Variants in SELENON observed in about 807,000 individuals in gnomAD.
SELENON encodes selenoprotein N.
In SELENON, 44 loss-of-function variants were observed where a neutral mutation model predicts 59.5. The ratio of observed to expected loss-of-function variants is 0.74; its 90% confidence interval spans 0.58 to 0.95. The LOEUF (loss-of-function observed/expected upper bound fraction) is 0.95. SELENON is among the 40% of genes least tolerant of loss of function. The pLI is 0.00. For missense variants in SELENON, 674 were observed against 721.4 expected, an observed-to-expected ratio of 0.93 and a Z score of 0.75; for synonymous variants, 320 against 305.6, an observed-to-expected ratio of 1.05 and a Z score of -0.49.
Position 25,817,900 on chromosome 1 carries a change from C to T in SELENON, c.*2182C>T, listed in dbSNP as rs938339363. 5 of 152,614 alleles carry T rather than the reference C, an allele frequency of 3.3e-5. No individual in the cohort carries two copies. The highest frequency in any genetic ancestry group is 3.3e-4 in the Admixed American group (5 of 15,306). The allele number at this position is 152,614 out of a possible 1,614,324, so 9.5% of individuals were successfully genotyped here. On this transcript the variant is annotated 3_prime_UTR_variant, in exon 13 of 13. Coordinates refer to ENST00000361547, the MANE Select transcript of SELENON (RefSeq NM_020451.3). The stretch of plus-strand genomic sequence containing the variant: ...CCTGGGAGGAAGTGTCCCCATCCCC[C>T]ATGCCCCTTATGGGGAGGGAGGGCG...
chr1:25,803,056 A>T (rs2047873584), intron 3 of SELENON, among the ~76,000 whole-genome samples: 1 of 152,156 alleles, frequency 6.6e-6, no homozygotes, highest in Non-Finnish European at 1.5e-5. Context: ...AAAAATGCTA[A>T]TGAGCTGGAG....
rs1364075867 is a variant in SELENON at position 25,809,071 on chromosome 1, G to A, written c.793G>A (p.Val265Met). The change falls in exon 6 of 13, where the codon GTG (valine) becomes ATG (methionine). Residue 265 changes from valine to methionine, a missense_variant. By Grantham distance (21) the Val-to-Met change is conservative (BLOSUM62 1). Coordinates refer to ENST00000361547, the MANE Select transcript of SELENON (RefSeq NM_020451.3). ...GAGCATGTTCCACCCTCGGCCCTTT[G>A]TGAAGACCCGCTTTGCCCCTCAGGG... 2 of 1,613,852 alleles carry A rather than the reference G, an allele frequency of 1.2e-6. No individual in the cohort carries two copies. The highest frequency in any genetic ancestry group is 3.3e-5 in the Admixed American group (2 of 60,030).
At chr1:25,812,539 A>G in intron 9 of SELENON, 148 bp from the exon 9 acceptor site, 2 of 660,378 alleles carry the variant, frequency 3.0e-6, no homozygotes, top group Non-Finnish European at 5.4e-6. Flanking sequence ...ACAGACATAC[A>G]CACAAATATA....
chr1:25,804,087 C>G (rs562633401), intron 3 of SELENON, among the ~76,000 whole-genome samples: 1 of 152,240 alleles, frequency 6.6e-6, no homozygotes, highest in Admixed American at 6.5e-5. Flanking sequence ...CTGTTGCTCC[C>G]TTCTTCTTGG....
Position 25,801,179 on chromosome 1 carries a change from G to T in SELENON, c.301+19G>T. ...CTAACAGGTACCAGGAGAGACTGGC[G>T]GCTGGGGAGGAGGGCGCCTTGGCCA... On this transcript the variant is annotated intron_variant, in intron 2 of 12. Transcript: ENST00000361547. 6.2e-7 allele frequency: 1 copy of T among 1,600,892 alleles called. No homozygotes were observed. The highest frequency in any genetic ancestry group is 8.6e-7 in the Non-Finnish European group (1 of 1,168,040).
rs1430575404 is a variant in SELENON, at chr1:25,801,069, A to G, written c.210A>G (p.Thr70=). 4.3e-6 allele frequency: 7 copies of G among 1,614,050 alleles called. No homozygotes were observed. Among genetic ancestry groups the G allele is most frequent in the Non-Finnish European group, 5.9e-6 (7 of 1,180,018 alleles). ...AACTGGCGCTGAAGACCCTGGGGAC[A>G]GATGGCCTTTTTCTCTTTTCCTCCT... The change falls in exon 2 of 13, where the codon ACA becomes ACG. Residue 70 remains threonine, a synonymous_variant. Transcript: ENST00000361547.
In SELENON at chr1:25,816,434, C is replaced by T. The variant is rs1471082446; in HGVS notation, c.*716C>T. 1 of 152,622 alleles carries T rather than the reference C, an allele frequency of 6.6e-6. No individual in the cohort carries two copies. Among genetic ancestry groups the T allele is most frequent in the East Asian group, 1.9e-4 (1 of 5,194 alleles). 9.5% of individuals were successfully genotyped at this position (152,622 alleles called of 1,614,324 possible). A position where few individuals can be genotyped will look rare whatever the true frequency, so the allele number is the denominator to read the frequency against. On this transcript the variant is annotated 3_prime_UTR_variant, in exon 13 of 13. Transcript: ENST00000361547. ...GGTTCACTAAGGGGGTTCCCGAGGCCCAGGGCCAAGGCACTCCCACCGCCT... is the reference window on the plus strand; with the variant it reads ...GGTTCACTAAGGGGGTTCCCGAGGCTCAGGGCCAAGGCACTCCCACCGCCT...
Position 25,805,153 on chromosome 1 carries a change from G to T in SELENON, c.415G>T (p.Ala139Ser), listed in dbSNP as rs201692549. The T allele has an allele frequency of 1.1e-5, 18 of 1,613,470 alleles. No homozygotes were observed. The South Asian group carries it at 1.4e-4, about 13-fold the overall frequency. ...TCTGTGTCTCATAGGGTCAACTCCC[G>T]CGGCCAGCTGCGAGGAGGAGGAGTT... The change falls in exon 4 of 13, where the codon GCG (alanine) becomes TCG (serine). Residue 139 changes from alanine to serine, a missense_variant. Coordinates refer to ENST00000361547, the MANE Select transcript of SELENON (RefSeq NM_020451.3).
intron 3 of SELENON, among the ~76,000 whole-genome samples, chr1:25,802,373 T>A (rs552790578): frequency 1.2e-3 from 178 of 152,240 alleles, no homozygotes; most frequent in African/African-American, 4.1e-3. Flanking sequence ...GTTGTTGTTG[T>A]TGAGATGGAG....
In SELENON at chr1:25,812,723, G is replaced by A. The variant is rs779899932; in HGVS notation, c.1318G>A (p.Ala440Thr). Residue 440 changes from alanine (A) to threonine (T), a missense_variant, in exon 10 of 13, where the codon GCC (alanine) becomes ACC (threonine). Coordinates refer to ENST00000361547, the MANE Select transcript of SELENON (RefSeq NM_020451.3). Reference sequence around the variant, plus strand: ...GCCGTTCACTGAGGCCTTCGACCGAGCCAAGGCTGAGAACAAGCTGGTGCA... The same window carrying A: ...GCCGTTCACTGAGGCCTTCGACCGAACCAAGGCTGAGAACAAGCTGGTGCA... 5.0e-6 allele frequency: 8 copies of A among 1,613,060 alleles called. No individual in the cohort carries two copies. The highest frequency in any genetic ancestry group is 6.8e-6 in the Non-Finnish European group (8 of 1,179,876).
chr1:25,810,386 C>A (rs567930290), intron 7 of SELENON, among the ~76,000 whole-genome samples: 46 of 152,346 alleles, frequency 3.0e-4, no homozygotes, highest in African/African-American at 1.1e-3. Context: ...GGCTGGCCAC[C>A]TGTCAGCAGA....
At chr1:25,812,558 C>CAA (rs1462559980) in intron 9 of SELENON, 129 bp from the exon 9 acceptor site, 6 of 589,630 alleles carry the variant, frequency 1.0e-5, no homozygotes, top group Non-Finnish European at 1.7e-5. Context: ...TATATGCCTA[C>CAA]ACACAAACAC....
chr1:25,805,618 GCCGCCCCACATACTATGATGATTATTTC>G (rs2047899964), intron 4 of SELENON, among the ~76,000 whole-genome samples: 1 of 151,762 alleles, frequency 6.6e-6, no homozygotes, highest in African/African-American at 2.4e-5. Context: ...TGTTAGTGCA[GCCGCCCCACATACTATGATGATTATTTC>G]CCACACACTA....
In SELENON at chr1:25,807,888, G is replaced by A. The variant is rs115562422; in HGVS notation, c.538-692G>A. Among the ~76,000 whole-genome samples the A allele has an allele frequency of 9.5e-3, 1,448 of 152,330 alleles. 29 individuals are homozygous for A. The highest frequency in any genetic ancestry group is 0.034 in the African/African-American group (1,395 of 41,566). On this transcript the variant is annotated intron_variant, in intron 4 of 12. Coordinates refer to ENST00000361547, the MANE Select transcript of SELENON (RefSeq NM_020451.3). The surrounding 1 kb of genome is among the most constrained non-coding windows in gnomAD (Gnocchi z 4.5). Reference sequence around the variant, plus strand: ...TCAGACAGAGGCGAGGCAGGTCACCGATGAGGACTCGGGCTTAGGGAAGGC... The same window carrying A: ...TCAGACAGAGGCGAGGCAGGTCACCAATGAGGACTCGGGCTTAGGGAAGGC...
chr1:25,808,754 A>C lies in SELENON; in HGVS notation c.712A>C (p.Asn238His), dbSNP rs781507721. Residue 238 changes from asparagine to histidine, a missense_variant, in exon 5 of 13, where the codon AAC becomes CAC. Coordinates refer to ENST00000361547, the MANE Select transcript of SELENON (RefSeq NM_020451.3). Reference sequence around the variant, plus strand: ...CATGTTCACTGGCTACCTGTCCAACAACCGCTTCTATCCACCGCCGCCCAA... The same window carrying C: ...CATGTTCACTGGCTACCTGTCCAACCACCGCTTCTATCCACCGCCGCCCAA... 6.2e-7 allele frequency: 1 copy of C among 1,613,774 alleles called. No homozygotes were observed. Among genetic ancestry groups the C allele is most frequent in the Non-Finnish European group, 8.5e-7 (1 of 1,179,956 alleles).
At chr1:25,814,995 G>A (rs1177527819) in intron 12 of SELENON, among the ~76,000 whole-genome samples, 1 of 151,442 alleles carries the variant, frequency 6.6e-6, no homozygotes, top group African/African-American at 2.4e-5. Flanking sequence ...TGGTGTCGGG[G>A]AACTGGATGA....
intron 3 of SELENON, among the ~76,000 whole-genome samples, chr1:25,802,303 A>G (rs2047867690): frequency 6.6e-6 from 1 of 151,804 alleles, no homozygotes; most frequent in South Asian, 2.1e-4. Flanking sequence ...AGCTATAACT[A>G]TCATTACTAA....
intron 9 of SELENON, 152 bp from the exon 9 acceptor site, chr1:25,812,535 A>T: frequency 1.5e-6 from 1 of 658,522 alleles, no homozygotes; most frequent in Non-Finnish European, 2.7e-6. Flanking sequence ...ATACACAGAC[A>T]TACACACAAA....
intron 9 of SELENON, among the ~76,000 whole-genome samples, chr1:25,812,125 G>A (rs557090674): frequency 6.6e-6 from 1 of 152,268 alleles, no homozygotes; most frequent in African/African-American, 2.4e-5. Flanking sequence ...AGAATCACTT[G>A]TGGCCAGGAG....
Sources: gnomAD v4.1 joint callset for allele counts (sites outside exome capture counted in the v4.1 genomes callset) on GRCh38, gnomAD v4.1.1 for gene constraint, Gnocchi (gnomAD v3.1) non-coding constraint, MANE v1.5 for transcripts, NCBI Gene and HGNC (gene_info 2026-07-23, HGNC 2026-07-21) for gene names.